MTMR3: variants seen among roughly 807,000 people sequenced by gnomAD.
MTMR3 encodes the protein myotubularin related protein 3.
In MTMR3, 32 loss-of-function variants were observed where a neutral mutation model predicts 132.4. That is an observed-to-expected ratio of 0.24 (90% CI 0.18 to 0.32). The LOEUF (loss-of-function observed/expected upper bound fraction) is 0.32, where lower values mean the gene tolerates loss of function less well. MTMR3 is among the 10% of genes least tolerant of loss of function. The pLI is 1.00. For missense variants in MTMR3, 1,216 were observed against 1,489.6 expected (o/e 0.82, Z 3.02); for synonymous variants, 556 against 550.3 (o/e 1.01, Z -0.14).
At position 30,028,294 on chromosome 22, in the gene MTMR3, C is replaced by T. The variant is rs2067949091; in HGVS notation, c.*2493C>T. 1 of 152,350 alleles carries T rather than the reference C, an allele frequency of 6.6e-6. No individual in the cohort carries two copies. The highest frequency in any genetic ancestry group is 2.4e-5 in the African/African-American group (1 of 41,426). 9.4% of individuals were successfully genotyped at this position (152,350 alleles called of 1,614,324 possible). A position where few individuals can be genotyped will look rare whatever the true frequency, so the allele number is the denominator to read the frequency against. On this transcript the variant is annotated 3_prime_UTR_variant, in exon 20 of 20. Transcript: ENST00000401950. Reference sequence around the variant, plus strand: ...TGAGAAAATGCTTCTGCCTGTTGTTCTTGAAGGATAGACTATGGGTGGGCA... The same window carrying T: ...TGAGAAAATGCTTCTGCCTGTTGTTTTTGAAGGATAGACTATGGGTGGGCA...
At chr22:30,022,788 C>A in intron 19 of MTMR3, 91 bp downstream of exon 19, 1 of 1,171,940 alleles carries the variant, frequency 8.5e-7, no homozygotes, top group Non-Finnish European at 1.2e-6. Context: ...GTGGGTATCT[C>A]AGTGTTCTGT....
At chr22:29,995,001 T>C (rs3788423) in intron 7 of MTMR3, 119,180 of 152,238 alleles carry the variant, frequency 0.78, 47,092 homozygotes, top group East Asian at 0.91. Flanking sequence ...CTCATTGCAA[T>C]TGACTTGTTG....
chr22:29,991,366 ATGAC>A, intron 6 of MTMR3, 134 bp from the exon 7 acceptor site: 2 of 743,264 alleles, frequency 2.7e-6, no homozygotes, highest in South Asian at 2.2e-5. Flanking sequence ...GAGCATGCGA[ATGAC>A]TGACTGCCTC....
chr22:30,016,462 G>A, intron 14 of MTMR3, 66 bp from the exon 15 acceptor site: 2 of 1,553,584 alleles, frequency 1.3e-6, no homozygotes, highest in East Asian at 2.3e-5. Context: ...AGGTGGCTCA[G>A]CTGAGCTGAC....
At chr22:29,920,734 T>G (rs2065394146) in intron 1 of MTMR3, among the ~76,000 whole-genome samples, 1 of 152,176 alleles carries the variant, frequency 6.6e-6, no homozygotes, top group African/African-American at 2.4e-5. Context: ...GCTTTCAGTG[T>G]ATAAATTGCA....
chr22:29,996,409 T>C (rs1805408577), intron 7 of MTMR3: 1 of 152,248 alleles, frequency 6.6e-6, no homozygotes, highest in Non-Finnish European at 1.5e-5. Flanking sequence ...AGTAAATTGC[T>C]AGTGATAGTG....
intron 1 of MTMR3, among the ~76,000 whole-genome samples, chr22:29,928,556 TTTC>T (rs2065573135): frequency 1.3e-5 from 2 of 152,160 alleles, no homozygotes; most frequent in South Asian, 2.1e-4. Context: ...TTTTTTTCTC[TTTC>T]TTCTTTTTAA....
chr22:30,008,686 T>C, intron 11 of MTMR3: 1 of 218,162 alleles, frequency 4.6e-6, no homozygotes, highest in Non-Finnish European at 9.0e-6. Flanking sequence ...CAAAGAGATT[T>C]CAAAGCCACA....
chr22:29,980,595 A>G (rs2066721644), intron 5 of MTMR3: 1 of 152,204 alleles, frequency 6.6e-6, no homozygotes, highest in Non-Finnish European at 1.5e-5. Flanking sequence ...GTGTTCTTTC[A>G]GTGTTTGAAT....
In MTMR3 at chr22:30,019,714, T is replaced by C. The variant is rs759520081; in HGVS notation, c.2055T>C (p.Ala685=). The change falls in exon 17 of 20, where the codon GCT becomes GCC. Residue 685 remains alanine, a synonymous_variant. Coordinates refer to ENST00000401950, the MANE Select transcript of MTMR3 (RefSeq NM_021090.4). ...AGCTTTCTGTTGCAGCCGGAGTAGC[T>C]GAGGGGCAGATGGAGAACATCTTGC... ...GAELSVAAGV[A]EGQMENILQE... The C allele has an allele frequency of 6.2e-7, 1 of 1,614,098 alleles. No individual in the cohort carries two copies. Among genetic ancestry groups the C allele is most frequent in the East Asian group, 2.2e-5 (1 of 44,868 alleles).
chr22:29,920,236 A>C (rs923754494), intron 1 of MTMR3, among the ~76,000 whole-genome samples: 1 of 129,246 alleles, frequency 7.7e-6, no homozygotes, highest in African/African-American at 2.9e-5. Flanking sequence ...AAAAAACCCA[A>C]AAAAAATTAG....
chr22:29,959,792 A>G (rs535432381), intron 2 of MTMR3, among the ~76,000 whole-genome samples: 1 of 142,446 alleles, frequency 7.0e-6, no homozygotes, highest in African/African-American at 2.6e-5. Context: ...ACAAGGTCTC[A>G]CTCTTGCCCA....
intron 1 of MTMR3, among the ~76,000 whole-genome samples, chr22:29,888,977 T>A (rs2064737230): frequency 6.6e-6 from 1 of 151,982 alleles, no homozygotes; most frequent in South Asian, 2.1e-4. Context: ...ATTCATAGAT[T>A]TATAATCTGG....
In MTMR3 at chr22:29,921,563, C is replaced by T. The variant is rs117275950; in HGVS notation, c.-137-35473C>T. 2.8e-4 allele frequency among the ~76,000 whole-genome samples: 43 copies of T among 152,200 alleles called. No homozygotes were observed. The East Asian group carries it at 7.7e-3, about 27-fold the overall frequency. On this transcript the variant is annotated intron_variant, in intron 1 of 19. Coordinates refer to ENST00000401950, the MANE Select transcript of MTMR3 (RefSeq NM_021090.4). ...TTTTACTGTGTCTTTTTGAATTGTA[C>T]AGTTTTCTGGCATTTAAATACTTTC...
chr22:29,988,494 T>A lies in MTMR3; in HGVS notation c.225T>A (p.Leu75=). 6.2e-7 allele frequency: 1 copy of A among 1,612,220 alleles called. No individual in the cohort carries two copies. Among genetic ancestry groups the A allele is most frequent in the Non-Finnish European group, 8.5e-7 (1 of 1,178,986 alleles). ...KESLVNVPLQ[L]IESVECRDIF... ...TAAAATTGCAGGTTCCATTACAGCT[T>A]ATAGAAAGTGTTGAATGCCGAGATA... Residue 75 remains leucine, a synonymous_variant, in exon 6 of 20, where the codon CTT becomes CTA. Transcript: ENST00000401950.
intron 1 of MTMR3, among the ~76,000 whole-genome samples, chr22:29,936,430 G>A (rs988625995): frequency 6.6e-6 from 1 of 152,072 alleles, no homozygotes; most frequent in Non-Finnish European, 1.5e-5. Flanking sequence ...CAGTAATGCA[G>A]GGCAAGTAGA....
intron 1 of MTMR3, among the ~76,000 whole-genome samples, chr22:29,952,648 A>G (rs992307613): frequency 6.6e-6 from 1 of 151,764 alleles, no homozygotes; most frequent in Non-Finnish European, 1.5e-5. Context: ...AGTGCCCATC[A>G]CTCAGAAAAA....
intron 12 of MTMR3, 146 bp downstream of exon 12, chr22:30,009,275 C>A (rs2067350043): frequency 3.2e-6 from 2 of 623,166 alleles, no homozygotes; most frequent in East Asian, 5.5e-5. Context: ...AGTTACCAGA[C>A]CAGTCTCTGC....
intron 2 of MTMR3, among the ~76,000 whole-genome samples, chr22:29,958,704 A>C (rs2066248675): frequency 6.6e-6 from 1 of 152,176 alleles, no homozygotes. Flanking sequence ...TGTATCTCTT[A>C]ACATACTCTT....
Sources: gnomAD v4.1 joint callset for allele counts (sites outside exome capture counted in the v4.1 genomes callset) on GRCh38, gnomAD v4.1.1 for gene constraint, MANE v1.5 for transcripts, NCBI Gene and HGNC (gene_info 2026-07-23, HGNC 2026-07-21) for gene names.